The following ARVCF variants were observed in gnomAD, a reference collection of about 807,000 sequenced individuals.
ARVCF encodes the protein ARVCF delta catenin family member.
Under a neutral mutation model 90.9 loss-of-function variants are expected in ARVCF, and 66 were observed. That is an observed-to-expected ratio of 0.73 (90% CI 0.60 to 0.89). The LOEUF (loss-of-function observed/expected upper bound fraction) is 0.89, where lower values mean the gene tolerates loss of function less well. ARVCF is among the 40% of genes least tolerant of loss of function. The probability of loss-of-function intolerance (pLI) is 0.00; values close to 1 mark genes in which losing one functional copy is unlikely to be tolerated. For synonymous variants in ARVCF, 653 were observed against 603.4 expected (o/e 1.08, Z -1.21); for missense variants, 1,469 against 1,382.3 (o/e 1.06, Z -1.00).
At chr22:19,986,490 T>TG (rs1488708628) in intron 3 of ARVCF, among the ~76,000 whole-genome samples, 5 of 152,138 alleles carry the variant, frequency 3.3e-5, no homozygotes, top group African/African-American at 4.8e-5. Context: ...CATCCATTAG[T>TG]GGGCAGGGCC....
At chr22:19,999,580 C>T (rs537572057) in intron 2 of ARVCF, among the ~76,000 whole-genome samples, 3 of 152,302 alleles carry the variant, frequency 2.0e-5, no homozygotes, top group Non-Finnish European at 4.4e-5. Flanking sequence ...CTCCAGCTGC[C>T]GTGGCAGGGA....
chr22:19,968,786 A>G, downstream of ARVCF: 1 of 1,555,076 alleles, frequency 6.4e-7, no homozygotes, highest in Non-Finnish European at 8.7e-7. Context: ...CTGGTACTGA[A>G]GGTGCCAGAC....
intron 5 of ARVCF, 50 bp from the exon 6 acceptor site, chr22:19,980,292 C>T: frequency 6.7e-7 from 1 of 1,488,104 alleles, no homozygotes. Context: ...GCCGCCAGCC[C>T]TGCCTCTGAG....
intron 12 of ARVCF, 126 bp downstream of exon 12, chr22:19,973,986 T>C: frequency 6.7e-7 from 1 of 1,502,514 alleles, no homozygotes; most frequent in South Asian, 1.3e-5. Context: ...CCCATACACC[T>C]CTTGGATCCT....
Position 19,972,835 on chromosome 22 carries a change from A to T in ARVCF, c.2551-8T>A. The T allele has an allele frequency of 1.2e-6, 2 of 1,613,676 alleles. No homozygotes were observed. The highest frequency in any genetic ancestry group is 1.7e-6 in the Non-Finnish European group (2 of 1,179,816). On this transcript the variant is annotated splice_polypyrimidine_tract_variant and splice_region_variant and intron_variant, in intron 15 of 19. Transcript: ENST00000263207. ...GGCAGTAGCAGCAGCTGACTGAGAC[A>T]TAAAACACAGACACAGGGTGGGTGA...
chr22:19,977,951 T>C lies in ARVCF; in HGVS notation c.1698+7A>G. On this transcript the variant is annotated splice_region_variant and intron_variant, in intron 8 of 19. Coordinates refer to ENST00000263207, the MANE Select transcript of ARVCF (RefSeq NM_001670.3). ...CTTGGTATGAGGCTGTGACCGTCCC[T>C]GCCCACCTTGTTGTCAGTGTCCTTC... 6.2e-7 allele frequency: 1 copy of C among 1,600,888 alleles called. No homozygotes were observed.
chr22:20,012,082 C>CG (rs1944855469), intron 1 of ARVCF, among the ~76,000 whole-genome samples: 1 of 130,800 alleles, frequency 7.6e-6, no homozygotes, highest in African/African-American at 2.7e-5. Flanking sequence ...CCCAAAGTCC[C>CG]CCCCCCCCAC....
At chr22:20,004,574 G>A (rs1944555529) in intron 2 of ARVCF, among the ~76,000 whole-genome samples, 1 of 151,538 alleles carries the variant, frequency 6.6e-6, no homozygotes, top group African/African-American at 2.4e-5. Flanking sequence ...CGATCTTTAA[G>A]GAGCCCAAAG....
At position 19,979,716 on chromosome 22, in the gene ARVCF, A is replaced by T. The variant is rs72556514; in HGVS notation, c.1396+27T>A. On this transcript the variant is annotated intron_variant, in intron 6 of 19. Transcript: ENST00000263207. ...CCTCACACTCTTCTCTTCCCAGGGG[A>T]TGTGAGCATGGCCAGGTCCCACTCA... The T allele has an allele frequency of 1.2e-3, 1,920 of 1,570,138 alleles. 18 individuals carry two copies. In the African/African-American group the frequency reaches 0.02, roughly 17 times the overall value.
intron 2 of ARVCF, among the ~76,000 whole-genome samples, chr22:20,004,629 T>C (rs917174670): frequency 3.4e-4 from 52 of 152,206 alleles, no homozygotes; most frequent in African/African-American, 1.2e-3. Context: ...GGACTCACAC[T>C]TCCTGATTTC....
intron 11 of ARVCF, 131 bp downstream of exon 11, chr22:19,975,555 C>A: frequency 1.0e-6 from 1 of 966,892 alleles, no homozygotes. Context: ...AAATCCTGCA[C>A]CTAGGGGCCT....
intron 9 of ARVCF, 85 bp downstream of exon 9, chr22:19,977,330 A>ATGGGC: frequency 7.0e-7 from 1 of 1,438,730 alleles, no homozygotes; most frequent in South Asian, 1.6e-5. Context: ...AGCCTCCATG[A>ATGGGC]TGGGCTGCTG....
intron 18 of ARVCF, 41 bp from the exon 19 acceptor site, chr22:19,971,376 G>A (rs1451599272): frequency 3.4e-6 from 5 of 1,456,172 alleles, no homozygotes; most frequent in East Asian, 4.9e-5. Flanking sequence ...AATAGAGCAG[G>A]TTAGTTAGAG....
chr22:19,973,836 C>A (rs762462385), intron 12 of ARVCF, 43 bp from the exon 13 acceptor site: 2 of 1,576,540 alleles, frequency 1.3e-6, no homozygotes, highest in Admixed American at 1.7e-5. Context: ...ACATGCCAGG[C>A]ACTCTCCCAC....
intron 2 of ARVCF, among the ~76,000 whole-genome samples, chr22:19,998,685 G>C (rs1944341538): frequency 2.0e-5 from 3 of 152,292 alleles, no homozygotes; most frequent in East Asian, 3.9e-4. Flanking sequence ...GCACTGGCAG[G>C]GGAGCTCCCG....
chr22:20,013,070 G>A (rs1944894785), intron 1 of ARVCF, among the ~76,000 whole-genome samples: 2 of 152,276 alleles, frequency 1.3e-5, no homozygotes, highest in African/African-American at 4.8e-5. Context: ...GTAGGTAGCT[G>A]AGAACATGCC....
intron 7 of ARVCF, 76 bp from the exon 8 acceptor site, chr22:19,978,151 G>A: frequency 4.5e-6 from 6 of 1,337,602 alleles, no homozygotes; most frequent in African/African-American, 1.5e-5. Flanking sequence ...TTGTGGGCTT[G>A]TCTTCATCTG....
At chr22:20,012,664 G>A (rs890240246) in intron 1 of ARVCF, among the ~76,000 whole-genome samples, 1 of 152,250 alleles carries the variant, frequency 6.6e-6, no homozygotes, top group Non-Finnish European at 1.5e-5. Context: ...CCCCACACTG[G>A]GTCTCCCCAC....
chr22:19,971,176 G>A (rs1942748574), intron 19 of ARVCF, 40 bp downstream of exon 19: 7 of 1,551,134 alleles, frequency 4.5e-6, no homozygotes, highest in South Asian at 1.2e-5. Context: ...GGCCCAGAGG[G>A]CAGGAACAGG....
Sources: gnomAD v4.1 joint callset for allele counts (sites outside exome capture counted in the v4.1 genomes callset) on GRCh38, gnomAD v4.1.1 for gene constraint, MANE v1.5 for transcripts, NCBI Gene and HGNC (gene_info 2026-07-23, HGNC 2026-07-21) for gene names.